Variants in BMPR1A observed in about 807,000 individuals in gnomAD.
BMPR1A encodes the protein bone morphogenetic protein receptor type 1A.
BMPR1A carries 7 observed loss-of-function variants against 66.0 expected under a neutral mutation model. That is an observed-to-expected ratio of 0.11 (90% confidence interval 0.06 to 0.20). The LOEUF is 0.20. Ranked by LOEUF, BMPR1A falls within the 10% of genes least tolerant of loss-of-function variation. The probability of loss-of-function intolerance (pLI) is 1.00; values close to 1 mark genes in which losing one functional copy is unlikely to be tolerated. For synonymous variants in BMPR1A, 200 were observed against 229.7 expected (o/e 0.87, Z 1.17); for missense variants, 408 against 669.1 (o/e 0.61, Z 4.31).
intron 1 of BMPR1A, among the ~76,000 whole-genome samples, chr10:86,828,577 A>T (rs1842227788): frequency 6.6e-6 from 1 of 152,158 alleles, no homozygotes; most frequent in African/African-American, 2.4e-5. Flanking sequence ...GAATTTCTTT[A>T]TGTGTTGAGA....
In BMPR1A at chr10:86,882,011, C is replaced by T. The variant is rs557266338; in HGVS notation, c.67+5926C>T. ...GATAACTGTGTTTTTTTTTTAAGTT[C>T]TTTTAGAGATACACATTGAAATATT... On this transcript the variant is annotated intron_variant, in intron 3 of 12. Transcript: ENST00000372037. Among the ~76,000 whole-genome samples, 13 of 148,762 alleles carry T rather than the reference C, an allele frequency of 8.7e-5. No individual in the cohort carries two copies. In the South Asian group the frequency reaches 2.8e-3, roughly 32 times the overall value.
intron 9 of BMPR1A, among the ~76,000 whole-genome samples, chr10:86,918,602 T>TTTTTC (rs148453748): frequency 6.6e-6 from 1 of 151,934 alleles, no homozygotes; most frequent in Non-Finnish European, 1.5e-5. Context: ...ATATGTCATC[T>TTTTTC]TTTTCTTTTC....
chr10:86,893,231 A>G (rs1843178417), intron 5 of BMPR1A, among the ~76,000 whole-genome samples: 1 of 152,132 alleles, frequency 6.6e-6, no homozygotes, highest in Admixed American at 6.5e-5. Context: ...TAGGGTAACC[A>G]CTAAAGTTGA....
At chr10:86,880,077 G>C (rs1429911834) in intron 3 of BMPR1A, among the ~76,000 whole-genome samples, 2 of 152,198 alleles carry the variant, frequency 1.3e-5, no homozygotes, top group African/African-American at 4.8e-5. Flanking sequence ...CTGTTAGTAT[G>C]GAGGTCTGAT....
intron 2 of BMPR1A, among the ~76,000 whole-genome samples, chr10:86,844,360 A>G (rs1414890387): frequency 2.0e-5 from 3 of 152,210 alleles, no homozygotes; most frequent in South Asian, 4.1e-4. Flanking sequence ...TTCTACAGGT[A>G]TAATTCAGAC....
intron 3 of BMPR1A, among the ~76,000 whole-genome samples, chr10:86,878,415 T>G (rs1842946515): frequency 6.6e-6 from 1 of 152,260 alleles, no homozygotes; most frequent in Non-Finnish European, 1.5e-5. Context: ...GTCACAAATT[T>G]TACAACAGGA....
chr10:86,802,446 C>T (rs1251055213), intron 1 of BMPR1A, among the ~76,000 whole-genome samples: 1 of 152,148 alleles, frequency 6.6e-6, no homozygotes, highest in African/African-American at 2.4e-5. Flanking sequence ...TGCCTCTATA[C>T]TGCACATACA....
chr10:86,854,795 G>T, intron 2 of BMPR1A: 1 of 247,496 alleles, frequency 4.0e-6, no homozygotes, highest in Non-Finnish European at 8.6e-6. Context: ...CTTTTTCCAA[G>T]TTCTCATCAG....
intron 3 of BMPR1A, among the ~76,000 whole-genome samples, chr10:86,876,386 C>T (rs1276272621): frequency 2.0e-5 from 3 of 152,204 alleles, no homozygotes; most frequent in African/African-American, 7.2e-5. Flanking sequence ...AAAGCCACCT[C>T]AGTTAGTAGC....
chr10:86,805,707 T>A (rs1841880878), intron 1 of BMPR1A, among the ~76,000 whole-genome samples: 2 of 152,108 alleles, frequency 1.3e-5, no homozygotes, highest in South Asian at 4.1e-4. Flanking sequence ...ATGATCCACC[T>A]GCCTCGGCCT....
At chr10:86,826,102 T>G (rs992710322) in intron 1 of BMPR1A, among the ~76,000 whole-genome samples, 27 of 151,140 alleles carry the variant, frequency 1.8e-4, no homozygotes, top group Non-Finnish European at 1.5e-5. Context: ...CATATATACT[T>G]TTTTTATTCC....
At chr10:86,817,035 C>T (rs1451368995) in intron 1 of BMPR1A, among the ~76,000 whole-genome samples, 2 of 152,188 alleles carry the variant, frequency 1.3e-5, no homozygotes, top group Non-Finnish European at 2.9e-5. Flanking sequence ...CTCCAGCCAT[C>T]CCCATTTCTA....
intron 5 of BMPR1A, among the ~76,000 whole-genome samples, chr10:86,893,568 T>A (rs1223391682): frequency 1.3e-5 from 2 of 152,082 alleles, no homozygotes; most frequent in African/African-American, 2.4e-5. Context: ...GGCGGGTGGA[T>A]CACGAGGTCT....
intron 1 of BMPR1A, among the ~76,000 whole-genome samples, chr10:86,834,925 C>T (rs1842320407): frequency 6.6e-6 from 1 of 151,626 alleles, no homozygotes; most frequent in African/African-American, 2.4e-5. Context: ...TTGTACAGTG[C>T]ATGGGGTGCT....
At chr10:86,888,467 C>G (rs138014134) in intron 3 of BMPR1A, among the ~76,000 whole-genome samples, 26 of 152,132 alleles carry the variant, frequency 1.7e-4, no homozygotes, top group African/African-American at 6.0e-4. Context: ...GACTCTATCT[C>G]AAATAAAAAT....
At chr10:86,874,402 C>A (rs534566471) in intron 2 of BMPR1A, among the ~76,000 whole-genome samples, 27 of 151,482 alleles carry the variant, frequency 1.8e-4, no homozygotes, top group African/African-American at 6.3e-4. Flanking sequence ...CGCTCCCCTC[C>A]CCTCCTCTCC....
chr10:86,852,585 G>A (rs1358522406), intron 2 of BMPR1A, among the ~76,000 whole-genome samples: 5 of 152,158 alleles, frequency 3.3e-5, no homozygotes, highest in South Asian at 4.2e-4. Context: ...AAGAAACTTA[G>A]GACATATTAA....
At chr10:86,880,093 G>A (rs1842967625) in intron 3 of BMPR1A, among the ~76,000 whole-genome samples, 1 of 152,324 alleles carries the variant, frequency 6.6e-6, no homozygotes, top group East Asian at 1.9e-4. Flanking sequence ...CTGATTACTG[G>A]AAATTGTCCT....
chr10:86,809,483 G>A (rs985210602), intron 1 of BMPR1A, among the ~76,000 whole-genome samples: 1 of 151,592 alleles, frequency 6.6e-6, no homozygotes, highest in African/African-American at 2.4e-5. Context: ...TTGCCGAGAT[G>A]CGGTTTTGCC....
Sources: gnomAD v4.1 joint callset for allele counts (sites outside exome capture counted in the v4.1 genomes callset) on GRCh38, gnomAD v4.1.1 for gene constraint, MANE v1.5 for transcripts, NCBI Gene and HGNC (gene_info 2026-07-23, HGNC 2026-07-21) for gene names.